The following PDE6D variants were observed in gnomAD, a reference collection of about 807,000 sequenced individuals.
PDE6D encodes the protein phosphodiesterase 6D.
PDE6D carries 10 observed loss-of-function variants against 21.9 expected under a neutral mutation model. That is an observed-to-expected ratio of 0.46 (90% CI 0.28 to 0.78). The LOEUF (loss-of-function observed/expected upper bound fraction) is 0.78. Ranked by LOEUF, PDE6D falls within the 30% of genes least tolerant of loss-of-function variation. The probability of loss-of-function intolerance (pLI) is 0.12; values close to 1 mark genes in which losing one functional copy is unlikely to be tolerated. For missense variants in PDE6D, 139 were observed against 184.8 expected (o/e 0.75, Z 1.44); for synonymous variants, 59 against 63.5 (o/e 0.93, Z 0.34).
chr2:231,768,923 C>T (rs2048993527), intron 1 of PDE6D, among the ~76,000 whole-genome samples: 1 of 151,974 alleles, frequency 6.6e-6, no homozygotes, highest in African/African-American at 2.4e-5. Flanking sequence ...GGCTGGAGTG[C>T]AATGGCACGA....
chr2:231,742,496 AG>A (rs1225580077), intron 1 of PDE6D, among the ~76,000 whole-genome samples: 1 of 152,218 alleles, frequency 6.6e-6, no homozygotes, highest in African/African-American at 2.4e-5. Flanking sequence ...GAGAGTGCTA[AG>A]GTTTTTTTTG....
chr2:231,775,164 T>C (rs1306291893), intron 1 of PDE6D, among the ~76,000 whole-genome samples: 1 of 152,150 alleles, frequency 6.6e-6, no homozygotes, highest in Admixed American at 6.5e-5. Context: ...TCTGCCCACC[T>C]TGGTCTCCCA....
intron 1 of PDE6D, among the ~76,000 whole-genome samples, chr2:231,769,534 A>C (rs951396207): frequency 6.6e-6 from 1 of 151,952 alleles, no homozygotes; most frequent in Non-Finnish European, 1.5e-5. Flanking sequence ...TCTCTCACAC[A>C]CACACACAGA....
chr2:231,773,950 T>C (rs1044528767), intron 1 of PDE6D, among the ~76,000 whole-genome samples: 1 of 152,146 alleles, frequency 6.6e-6, no homozygotes, highest in African/African-American at 2.4e-5. Flanking sequence ...ATTATTATTA[T>C]TGAGATGGAG....
chr2:231,757,962 GAAAAC>G (rs2048896142), intron 1 of PDE6D, among the ~76,000 whole-genome samples: 3 of 151,330 alleles, frequency 2.0e-5, no homozygotes, highest in South Asian at 2.1e-4. Flanking sequence ...AAAAAAAAAA[GAAAAC>G]AAAGGACAAA....
chr2:231,777,636 G>A (rs2049067507), intron 1 of PDE6D, among the ~76,000 whole-genome samples: 1 of 152,052 alleles, frequency 6.6e-6, no homozygotes, highest in Non-Finnish European at 1.5e-5. Context: ...TCAATCAAAT[G>A]TGTATAGGTA....
chr2:231,735,590 G>T (rs1034665919), intron 4 of PDE6D, among the ~76,000 whole-genome samples: 25 of 151,586 alleles, frequency 1.6e-4, no homozygotes, highest in Admixed American at 1.5e-3. Context: ...GAGCCACTGC[G>T]CCCAGCCTCT....
chr2:231,745,581 G>C lies in PDE6D; in HGVS notation c.51-6393C>G, dbSNP rs146504381. Among the ~76,000 whole-genome samples, 1,145 of 152,270 alleles carry C rather than the reference G, an allele frequency of 7.5e-3. 7 individuals are homozygous for C. The highest frequency in any genetic ancestry group is 0.011 in the Non-Finnish European group (778 of 68,030). ...GGAAGCCTCCTGCTTAGAGGAGATCGGGCTCTGGTACCCTCTAATTTGGAA... is the reference window on the plus strand; with the variant it reads ...GGAAGCCTCCTGCTTAGAGGAGATCCGGCTCTGGTACCCTCTAATTTGGAA... On this transcript the variant is annotated intron_variant, in intron 1 of 4. Transcript: ENST00000287600.
intron 2 of PDE6D, 143 bp from the exon 3 acceptor site, chr2:231,738,281 G>A (rs953790745): frequency 1.2e-6 from 1 of 825,318 alleles, no homozygotes; most frequent in African/African-American, 1.7e-5. Flanking sequence ...TTACATTTTG[G>A]ATAATGCCTT....
At chr2:231,759,021 T>G (rs79514731) in intron 1 of PDE6D, among the ~76,000 whole-genome samples, 2,028 of 152,116 alleles carry the variant, frequency 0.013, 31 homozygotes, top group Non-Finnish European at 0.018. Context: ...GGCTGGGAAT[T>G]AAAAGACATT....
At chr2:231,754,355 G>A (rs1396581471) in intron 1 of PDE6D, among the ~76,000 whole-genome samples, 1 of 140,128 alleles carries the variant, frequency 7.1e-6, no homozygotes, top group African/African-American at 2.6e-5. Context: ...AATGGCTTTT[G>A]TCTTTTTTTT....
At chr2:231,776,529 G>T (rs769229399) in intron 1 of PDE6D, among the ~76,000 whole-genome samples, 1 of 151,974 alleles carries the variant, frequency 6.6e-6, no homozygotes, top group Admixed American at 6.6e-5. Flanking sequence ...TATTTACAAA[G>T]GTCACTCTAG....
intron 1 of PDE6D, among the ~76,000 whole-genome samples, chr2:231,745,626 C>G (rs1029395795): frequency 6.6e-6 from 1 of 151,942 alleles, no homozygotes; most frequent in African/African-American, 2.4e-5. Flanking sequence ...CATAAGGAAG[C>G]ACTTTCGTAT....
intron 1 of PDE6D, among the ~76,000 whole-genome samples, chr2:231,744,170 G>C (rs760486016): frequency 4.6e-5 from 7 of 152,234 alleles, no homozygotes; most frequent in Non-Finnish European, 1.0e-4. Flanking sequence ...AGTTGGAGCA[G>C]ACTGAACTTC....
intron 1 of PDE6D, among the ~76,000 whole-genome samples, chr2:231,762,938 A>C (rs967178043): frequency 6.7e-6 from 1 of 150,266 alleles, no homozygotes; most frequent in Non-Finnish European, 1.5e-5. Flanking sequence ...ATCTCTACTA[A>C]AAAAAAAAGA....
chr2:231,776,416 C>A (rs895049110), intron 1 of PDE6D, among the ~76,000 whole-genome samples: 2 of 150,690 alleles, frequency 1.3e-5, no homozygotes, highest in Admixed American at 6.6e-5. Context: ...CATGGTAAAT[C>A]TATTATTAAG....
intron 1 of PDE6D, among the ~76,000 whole-genome samples, chr2:231,744,561 G>C: frequency 6.6e-6 from 1 of 151,776 alleles, no homozygotes; most frequent in East Asian, 1.9e-4. Flanking sequence ...AGCCTCCTGA[G>C]TATTTGGGAT....
chr2:231,767,326 T>A (rs1251365029), intron 1 of PDE6D, among the ~76,000 whole-genome samples: 1 of 144,262 alleles, frequency 6.9e-6, no homozygotes, highest in Non-Finnish European at 1.5e-5. Context: ...ATTATCCTTG[T>A]TTTTTTTTTT....
rs2048663223 is a variant in PDE6D at position 231,732,910 on chromosome 2, T to G, written c.*42A>C. On this transcript the variant is annotated 3_prime_UTR_variant, in exon 5 of 5. Transcript: ENST00000287600. ...AAAAAGTAAACAGTTTCCTCCTCCC[T>G]CCAAAAAACCCAAATTCTTGAAATG... is the stretch of plus-strand genomic sequence containing the variant. The G allele has an allele frequency of 7.3e-7, 1 of 1,361,322 alleles. No homozygotes were observed. The highest frequency in any genetic ancestry group is 2.3e-5 in the East Asian group (1 of 43,640). The allele number at this position is 1,361,322 out of a possible 1,614,324, so 84.3% of individuals were successfully genotyped here.
Sources: allele counts gnomAD v4.1 joint callset (sites outside exome capture counted in the v4.1 genomes callset), GRCh38; gene constraint gnomAD v4.1.1; transcripts MANE v1.5; gene names NCBI Gene and HGNC (gene_info 2026-07-23, HGNC 2026-07-21).